The following GPR107 variants were observed in gnomAD, a reference collection of about 807,000 sequenced individuals.
GPR107 encodes G protein-coupled receptor 107, also known as protein GPR107.
A neutral mutation model predicts 75.5 loss-of-function variants in GPR107; 31 were observed. The observed-to-expected ratio is 0.41, with a 90% CI of 0.31 to 0.55. The LOEUF (loss-of-function observed/expected upper bound fraction) is 0.55, where lower values mean the gene tolerates loss of function less well. Among genes scored for constraint, GPR107 ranks in the 20% least tolerant of loss-of-function variants. The pLI, the probability that GPR107 is intolerant of heterozygous loss-of-function variation, is 0.26. For synonymous variants in GPR107, 267 were observed against 251.3 expected (o/e 1.06, Z -0.59); for missense variants, 572 against 665.7 (o/e 0.86, Z 1.55).
intron 9 of GPR107, among the ~76,000 whole-genome samples, chr9:130,092,833 A>T (rs546558379): frequency 3.9e-4 from 60 of 152,174 alleles, no homozygotes; most frequent in African/African-American, 1.4e-3. Flanking sequence ...GTTAGCCAGG[A>T]TGGTCTTGAT....
At chr9:130,132,459 C>T (rs1013006045) in intron 17 of GPR107, among the ~76,000 whole-genome samples, 2 of 152,220 alleles carry the variant, frequency 1.3e-5, no homozygotes, top group Non-Finnish European at 2.9e-5. Flanking sequence ...CTCCCTGCCA[C>T]TCTCCTTCCC....
intron 16 of GPR107, among the ~76,000 whole-genome samples, chr9:130,128,142 AG>A (rs1334203179): frequency 6.6e-6 from 1 of 152,252 alleles, no homozygotes; most frequent in African/African-American, 2.4e-5. Context: ...CTTCAGGTAG[AG>A]AAAGATTTGC....
In GPR107 at chr9:130,112,702, G is replaced by C. The variant is rs1831335265; in HGVS notation, c.1306+5163G>C. Among the ~76,000 whole-genome samples the C allele has an allele frequency of 6.6e-6, 1 of 152,148 alleles. No homozygotes were observed. The highest frequency in any genetic ancestry group is 1.5e-5 in the Non-Finnish European group (1 of 68,024). Reference sequence around the variant, plus strand: ...AGGGAAAGTACGTGTGCACTTGTTTGAATTGCAAGCTGAACTAGCTGCTTT... The same window carrying C: ...AGGGAAAGTACGTGTGCACTTGTTTCAATTGCAAGCTGAACTAGCTGCTTT... On this transcript the variant is annotated intron_variant, in intron 14 of 17. Transcript: ENST00000347136. The surrounding 1 kb of genome is among the most constrained non-coding windows in gnomAD (Gnocchi z 4.0).
intron 9 of GPR107, among the ~76,000 whole-genome samples, chr9:130,094,443 C>T (rs1830815166): frequency 6.6e-6 from 1 of 151,936 alleles, no homozygotes; most frequent in South Asian, 2.1e-4. Flanking sequence ...TGTGGTGGTG[C>T]ACACCTGTAG....
In GPR107 at chr9:130,136,519, G is replaced by C. The variant is rs1207743240; in HGVS notation, c.*1398G>C. ...GTTGTCAGAGAGCCACACCTGCAGGGGAACAGGTACCTCCGAGGGTGAGAG... is the reference window on the plus strand; with the variant it reads ...GTTGTCAGAGAGCCACACCTGCAGGCGAACAGGTACCTCCGAGGGTGAGAG... On this transcript the variant is annotated 3_prime_UTR_variant, in exon 18 of 18. Coordinates refer to ENST00000347136, the MANE Select transcript of GPR107 (RefSeq NM_020960.5). 5 of 152,136 alleles carry C rather than the reference G, an allele frequency of 3.3e-5. No homozygotes were observed. Among genetic ancestry groups the C allele is most frequent in the Admixed American group, 3.3e-4 (5 of 15,268 alleles). 9.4% of individuals were successfully genotyped at this position (152,136 alleles called of 1,614,324 possible).
chr9:130,127,178 G>T (rs145430455), intron 15 of GPR107, among the ~76,000 whole-genome samples: 2 of 152,074 alleles, frequency 1.3e-5, no homozygotes, highest in African/African-American at 4.8e-5. Context: ...TGAAATCAAG[G>T]GCTTATGTCT....
rs1832034482 is a variant in GPR107 at position 130,139,225 on chromosome 9, G to A, written c.*4104G>A. 1 of 152,144 alleles carries A rather than the reference G, an allele frequency of 6.6e-6. No homozygotes were observed. Among genetic ancestry groups the A allele is most frequent in the African/African-American group, 2.4e-5 (1 of 41,404 alleles). 9.4% of individuals were successfully genotyped at this position (152,144 alleles called of 1,614,324 possible). ...CGCTATAGAAGTGAGACTTTGACTT[G>A]ATGCCTCTTGGTATATCAAAAAGAT... On this transcript the variant is annotated 3_prime_UTR_variant, in exon 18 of 18. Transcript: ENST00000347136.
Position 130,112,922 on chromosome 9 carries a change from G to A in GPR107, c.1306+5383G>A, listed in dbSNP as rs1175723796. 1.3e-5 allele frequency among the ~76,000 whole-genome samples: 2 copies of A among 151,788 alleles called. No homozygotes were observed. The highest frequency in any genetic ancestry group is 2.9e-5 in the Non-Finnish European group (2 of 67,944). ...GTGCTGCTATGCCTGGCTAATTTTTGTATTTTTTGTAGAGATAGGATTTTG... is the reference window on the plus strand; with the variant it reads ...GTGCTGCTATGCCTGGCTAATTTTTATATTTTTTGTAGAGATAGGATTTTG... On this transcript the variant is annotated intron_variant, in intron 14 of 17. Transcript: ENST00000347136. This position sits in a 1 kb window ranked among gnomAD's most constrained non-coding sequence, Gnocchi z 4.0.
At chr9:130,122,016 C>CA (rs1831559937) in intron 14 of GPR107, among the ~76,000 whole-genome samples, 1 of 151,958 alleles carries the variant, frequency 6.6e-6, no homozygotes, top group Non-Finnish European at 1.5e-5. Flanking sequence ...TCAGCCTCCC[C>CA]AGTAGCTGGG....
intron 1 of GPR107, among the ~76,000 whole-genome samples, chr9:130,056,944 A>AG (rs1447660950): frequency 6.8e-6 from 1 of 146,130 alleles, no homozygotes; most frequent in Middle Eastern, 3.8e-3. Flanking sequence ...AAAAAAAAAA[A>AG]AAAAAAAGAA....
At chr9:130,075,876 G>A (rs567861797) in intron 2 of GPR107, 127 bp downstream of exon 2, 119 of 538,068 alleles carry the variant, frequency 2.2e-4, no homozygotes, top group South Asian at 4.6e-4. Context: ...TCCACCTCCC[G>A]GGTTCAAGCA....
chr9:130,099,143 G>A (rs1006154938), intron 9 of GPR107, among the ~76,000 whole-genome samples: 9 of 152,030 alleles, frequency 5.9e-5, no homozygotes, highest in Non-Finnish European at 1.0e-4. Context: ...AACCCTTTCT[G>A]TATAAAAAAT....
At chr9:130,131,309 G>C (rs1435684077) in intron 17 of GPR107, among the ~76,000 whole-genome samples, 1 of 152,092 alleles carries the variant, frequency 6.6e-6, no homozygotes, top group African/African-American at 2.4e-5. Flanking sequence ...GGGGGCCCCA[G>C]GTGTCCCTTC....
At chr9:130,057,947 A>G (rs547309356) in intron 1 of GPR107, among the ~76,000 whole-genome samples, 84 of 151,700 alleles carry the variant, frequency 5.5e-4, no homozygotes, top group Middle Eastern at 3.4e-3. Context: ...TCCTGCCTCA[A>G]CCTCCCAAGT....
At chr9:130,105,288 T>G (rs893976817) in intron 13 of GPR107, among the ~76,000 whole-genome samples, 14 of 152,008 alleles carry the variant, frequency 9.2e-5, no homozygotes, top group Non-Finnish European at 1.5e-4. Flanking sequence ...AGTTTCGCTC[T>G]TGTTGCCCAG....
intron 5 of GPR107, 32 bp downstream of exon 5, chr9:130,079,801 TTTCACTACCTGCTTTGTAGCTTTTTTG>T (rs761005033): frequency 1.4e-6 from 2 of 1,469,580 alleles, no homozygotes; most frequent in African/African-American, 2.8e-5. Flanking sequence ...GGCTTTCAGT[TTTCACTACCTGCTTTGTAGCTTTTTTG>T]TTCCTAATTA....
intron 13 of GPR107, 29 bp from the exon 14 acceptor site, chr9:130,107,467 C>G: frequency 2.1e-6 from 3 of 1,455,156 alleles, no homozygotes. Context: ...TGTCAGCTAA[C>G]TTTTTGTTCT....
chr9:130,099,476 C>A lies in GPR107; in HGVS notation c.883C>A (p.His295Asn). The A allele has an allele frequency of 6.3e-7, 1 of 1,596,732 alleles. No individual in the cohort carries two copies. The highest frequency in any genetic ancestry group is 8.6e-7 in the Non-Finnish European group (1 of 1,164,408). The change falls in exon 10 of 18, where the codon CAC becomes AAC. Residue 295 changes from histidine (H) to asparagine (N), a missense_variant. By Grantham distance (68) the His-to-Asn change is moderately conservative. Coordinates refer to ENST00000347136, the MANE Select transcript of GPR107 (RefSeq NM_020960.5). ...TTATAGGAATGATGTATTTAAAATC[C>A]ACTGGCTGATGGCGGCCCTTCCTTT... ...RKRRNDVFKI[H>N]WLMAALPFTK...
intron 14 of GPR107, among the ~76,000 whole-genome samples, chr9:130,117,419 G>A (rs910091474): frequency 3.3e-5 from 5 of 152,278 alleles, no homozygotes; most frequent in East Asian, 3.9e-4. Context: ...AGGGCAGCTC[G>A]TGAACTAAAC....
Sources: allele counts gnomAD v4.1 joint callset (sites outside exome capture counted in the v4.1 genomes callset), GRCh38; gene constraint gnomAD v4.1.1; non-coding constraint Gnocchi (gnomAD v3.1); transcripts MANE v1.5; gene names NCBI Gene and HGNC (gene_info 2026-07-23, HGNC 2026-07-21).